ASXL1: variants seen among roughly 807,000 people sequenced by gnomAD.
ASXL1 encodes the protein ASXL transcriptional regulator 1.
Under a neutral mutation model 89.1 loss-of-function variants are expected in ASXL1, and 65 were observed. The ratio of observed to expected loss-of-function variants is 0.73; its 90% CI spans 0.60 to 0.90. The LOEUF (loss-of-function observed/expected upper bound fraction) is 0.90. Among genes scored for constraint, ASXL1 ranks in the 40% least tolerant of loss-of-function variants. The pLI, the probability that ASXL1 is intolerant of heterozygous loss-of-function variation, is 0.00. For missense variants in ASXL1, 1,786 were observed against 1,942.9 expected, an observed-to-expected ratio of 0.92 and a Z score of 1.52; for synonymous variants, 739 against 746.9, an observed-to-expected ratio of 0.99 and a Z score of 0.17.
Position 32,358,526 on chromosome 20 carries a change from G to T in ASXL1, c.-250G>T, listed in dbSNP as rs1451396179. On this transcript the variant is annotated 5_prime_UTR_variant, in exon 1 of 13. Transcript: ENST00000375687. ...ATTCCTTAGCGATCGCGGGGCAGCC[G>T]CCGCTGCCGCCGTGGGCGACTGACG... The T allele has an allele frequency of 1.4e-5, 3 of 221,820 alleles. No homozygotes were observed. Among genetic ancestry groups the T allele is most frequent in the African/African-American group, 6.7e-5 (3 of 44,450 alleles). The allele number at this position is 221,820 out of a possible 1,614,324, so 13.7% of individuals were successfully genotyped here.
chr20:32,414,145 TG>T (rs1319178889), intron 4 of ASXL1, among the ~76,000 whole-genome samples: 1 of 152,196 alleles, frequency 6.6e-6, no homozygotes, highest in Non-Finnish European at 1.5e-5. Flanking sequence ...TGCTGTGGAA[TG>T]GGTCTTTTTC....
chr20:32,430,884 A>G lies in ASXL1; in HGVS notation c.719-437A>G, dbSNP rs150045765. The G allele has an allele frequency of 2.1e-4, 88 of 428,652 alleles. No homozygotes were observed. In the East Asian group the frequency reaches 3.5e-3, roughly 17 times the overall value. 26.6% of individuals were successfully genotyped at this position (428,652 alleles called of 1,614,324 possible). On this transcript the variant is annotated intron_variant, in intron 8 of 12. Coordinates refer to ENST00000375687, the MANE Select transcript of ASXL1 (RefSeq NM_015338.6). ...TGAACAGTCCTTAGTACATTTCTGC[A>G]TGGAGATCATCCCTCTCCAGCCCAT...
chr20:32,429,879 C>T lies in ASXL1; in HGVS notation c.566-22C>T, dbSNP rs2011465534. 6.2e-7 allele frequency: 1 copy of T among 1,605,838 alleles called. No homozygotes were observed. Among genetic ancestry groups the T allele is most frequent in the Non-Finnish European group, 8.5e-7 (1 of 1,179,222 alleles). Reference sequence around the variant, plus strand: ...GGCGCGGCTTGGTGATACTTTTGACCAGTGGAATGCTGTGCCTTCAGGGTT... The same window carrying T: ...GGCGCGGCTTGGTGATACTTTTGACTAGTGGAATGCTGTGCCTTCAGGGTT... On this transcript the variant is annotated intron_variant, in intron 7 of 12. Coordinates refer to ENST00000375687, the MANE Select transcript of ASXL1 (RefSeq NM_015338.6). The surrounding 1 kb of genome is among the most constrained non-coding windows in gnomAD (Gnocchi z 4.9).
Position 32,437,524 on chromosome 20 carries a change from GT to G in ASXL1, c.*189del. 3.3e-6 allele frequency: 3 copies of G among 922,412 alleles called. No homozygotes were observed. The allele number at this position is 922,412 out of a possible 1,614,324, so 57.1% of individuals were successfully genotyped here. A position where few individuals can be genotyped will look rare whatever the true frequency, so the allele number is the denominator to read the frequency against. ...CGACCCTTCTGGTCTTGCTGGAGGGGTTTCCTGGGTATAACCCATTGGGCTG... is the reference window on the plus strand; with the variant it reads ...CGACCCTTCTGGTCTTGCTGGAGGGGTTCCTGGGTATAACCCATTGGGCTG... On this transcript the variant is annotated 3_prime_UTR_variant, in exon 13 of 13. Coordinates refer to ENST00000375687, the MANE Select transcript of ASXL1 (RefSeq NM_015338.6).
chr20:32,378,158 T>TTGTG (rs142792019), intron 4 of ASXL1, among the ~76,000 whole-genome samples: 2,466 of 130,272 alleles, frequency 0.019, 71 homozygotes, highest in African/African-American at 0.054. Context: ...GCTGAGTAAT[T>TTGTG]TGTGTGTGTG....
chr20:32,393,495 G>A (rs551257378), intron 4 of ASXL1, among the ~76,000 whole-genome samples: 1 of 151,568 alleles, frequency 6.6e-6, no homozygotes, highest in Admixed American at 6.6e-5. Flanking sequence ...TTTTTGAGAT[G>A]GAGTCTCGCC....
In ASXL1 at chr20:32,438,227, G is replaced by A. The variant is rs2012040651; in HGVS notation, c.*889G>A. On this transcript the variant is annotated 3_prime_UTR_variant, in exon 13 of 13. Coordinates refer to ENST00000375687, the MANE Select transcript of ASXL1 (RefSeq NM_015338.6). ...TATTTTTAACTCTTTATTCTTGGAT[G>A]TATAAAGTGAACTTTTTGGCTTCTG... is the stretch of plus-strand genomic sequence containing the variant. 2 of 233,314 alleles carry A rather than the reference G, an allele frequency of 8.6e-6. No homozygotes were observed. The highest frequency in any genetic ancestry group is 2.2e-5 in the African/African-American group (1 of 45,324). The allele number at this position is 233,314 out of a possible 1,614,324, so 14.5% of individuals were successfully genotyped here.
intron 4 of ASXL1, among the ~76,000 whole-genome samples, chr20:32,399,100 A>G (rs557198899): frequency 6.6e-6 from 1 of 151,970 alleles, no homozygotes; most frequent in East Asian, 2.0e-4. Context: ...AATCCCAGCT[A>G]CTTGGAAGGC....
At chr20:32,376,457 G>GT in intron 4 of ASXL1, among the ~76,000 whole-genome samples, 1 of 151,246 alleles carries the variant, frequency 6.6e-6, no homozygotes, top group African/African-American at 2.4e-5. Flanking sequence ...TGTATTTTTA[G>GT]TAGAGACAGG....
chr20:32,380,502 A>G (rs1191731073), intron 4 of ASXL1, among the ~76,000 whole-genome samples: 1 of 152,158 alleles, frequency 6.6e-6, no homozygotes, highest in Non-Finnish European at 1.5e-5. Context: ...CTGTAATCCC[A>G]GTACTTTGGG....
At chr20:32,392,272 G>A (rs1308010367) in intron 4 of ASXL1, among the ~76,000 whole-genome samples, 1 of 149,838 alleles carries the variant, frequency 6.7e-6, no homozygotes, top group Non-Finnish European at 1.5e-5. Flanking sequence ...GTGCCACCAA[G>A]CCTAGCTGAT....
chr20:32,437,375 T>C lies in ASXL1; in HGVS notation c.*37T>C. On this transcript the variant is annotated 3_prime_UTR_variant, in exon 13 of 13. Transcript: ENST00000375687. The stretch of plus-strand genomic sequence containing the variant: ...CATGGGAAACATTGTATATTTAGTG[T>C]GTGTATTTTGATAATGATTGATCTT... The C allele has an allele frequency of 1.9e-6, 3 of 1,599,564 alleles. No homozygotes were observed. The highest frequency in any genetic ancestry group is 1.1e-5 in the South Asian group (1 of 90,556).
intron 4 of ASXL1, 105 bp downstream of exon 4, chr20:32,369,228 A>C: frequency 3.4e-5 from 36 of 1,063,742 alleles, no homozygotes; most frequent in East Asian, 4.8e-5. Context: ...TGCATTTCTC[A>C]TATGCAGTCA....
At chr20:32,367,096 A>G (rs997290099) in intron 2 of ASXL1, among the ~76,000 whole-genome samples, 2 of 138,778 alleles carry the variant, frequency 1.4e-5, no homozygotes, top group Admixed American at 1.4e-4. Context: ...AAAAAAAAAA[A>G]GCTGGGGGTA....
Position 32,428,385 on chromosome 20 carries a change from T to C in ASXL1, c.434T>C (p.Leu145Pro). ...TCTACAGAATCTCAGAGTCGACCTC[T>C]TTCCAATCCCAGGGACAGCTACAGA... The part of the protein sequence containing the change: ...SCSTESQSRP[L>P]SNPRDSYRAS... The change falls in exon 6 of 13, where the codon CTT (leucine) becomes CCT (proline). Residue 145 changes from leucine (L) to proline (P), a missense_variant. By Grantham distance (98) the Leu-to-Pro change is moderately conservative. Transcript: ENST00000375687. 1 of 1,614,080 alleles carries C rather than the reference T, an allele frequency of 6.2e-7. No homozygotes were observed. The highest frequency in any genetic ancestry group is 8.5e-7 in the Non-Finnish European group (1 of 1,179,984).
rs75617092 is a variant in ASXL1, at chr20:32,375,266, G to A, written c.252+6143G>A. Among the ~76,000 whole-genome samples, 48 of 152,156 alleles carry A rather than the reference G, an allele frequency of 3.2e-4. 1 individual carries two copies. In the East Asian group the frequency reaches 9.3e-3, roughly 29 times the overall value. ...GGATCACCTTAGGTCAGGAGTTCGC[G>A]GCAAAACCCCGTTACTACTAAAAAT... On this transcript the variant is annotated intron_variant, in intron 4 of 12. Transcript: ENST00000375687.
chr20:32,405,084 AT>A (rs1340213559), intron 4 of ASXL1, among the ~76,000 whole-genome samples: 1 of 152,000 alleles, frequency 6.6e-6, no homozygotes, highest in African/African-American at 2.4e-5. Context: ...AAAGAACTTT[AT>A]TTTTTCCTGA....
chr20:32,390,898 C>G (rs2048659315), intron 4 of ASXL1, among the ~76,000 whole-genome samples: 1 of 151,438 alleles, frequency 6.6e-6, no homozygotes, highest in Non-Finnish European at 1.5e-5. Context: ...TTTCTTTTTT[C>G]TTTTTTTTCT....
chr20:32,410,444 CA>C (rs1294400365), intron 4 of ASXL1, among the ~76,000 whole-genome samples: 2 of 152,110 alleles, frequency 1.3e-5, no homozygotes, highest in African/African-American at 4.8e-5. Flanking sequence ...CCCAGCCCCC[CA>C]AGTTTAATTT....
Sources: allele counts gnomAD v4.1 joint callset (sites outside exome capture counted in the v4.1 genomes callset), GRCh38; gene constraint gnomAD v4.1.1; non-coding constraint Gnocchi (gnomAD v3.1); transcripts MANE v1.5; gene names NCBI Gene and HGNC (gene_info 2026-07-23, HGNC 2026-07-21).